The following SDR42E1 variants were observed in gnomAD, a reference collection of about 807,000 sequenced individuals.
SDR42E1 encodes short-chain dehydrogenase/reductase family 42E member 1.
In SDR42E1, 5 loss-of-function variants were observed where a neutral mutation model predicts 2.6. The ratio of observed to expected loss-of-function variants is 1.94; its 90% CI spans 1.01 to 4.08. The LOEUF (loss-of-function observed/expected upper bound fraction) is 4.08, where lower values mean the gene tolerates loss of function less well. SDR42E1 is among the 30% of genes most tolerant of loss of function. The pLI, the probability that SDR42E1 is intolerant of heterozygous loss-of-function variation, is 0.00. For missense variants in SDR42E1, 596 were observed against 478.6 expected (o/e 1.25, Z -2.29); for synonymous variants, 231 against 188.3 (o/e 1.23, Z -1.86).
intron 1 of SDR42E1, among the ~76,000 whole-genome samples, chr16:82,003,851 T>C (rs1279811582): frequency 1.3e-5 from 2 of 152,214 alleles, no homozygotes; most frequent in Non-Finnish European, 2.9e-5. Context: ...ATCCAGAACA[T>C]AGTAGATGCT....
rs1912455014 is a variant in SDR42E1, at chr16:81,992,717, G to A, written c.*6394C>T. 1.3e-5 allele frequency: 2 copies of A among 152,124 alleles called. No homozygotes were observed. The highest frequency in any genetic ancestry group is 2.9e-5 in the Non-Finnish European group (2 of 68,016). 9.4% of individuals were successfully genotyped at this position (152,124 alleles called of 1,614,324 possible). On this transcript the variant is annotated 3_prime_UTR_variant, in exon 3 of 3. Transcript: ENST00000328945. Reference sequence around the variant, plus strand: ...CTGATAAATCCCCTGTTGGTTGAAAGACACTTGCCTGGATCACTTTGCTAC... The same window carrying A: ...CTGATAAATCCCCTGTTGGTTGAAAAACACTTGCCTGGATCACTTTGCTAC...
intron 2 of SDR42E1, 72 bp downstream of exon 2, chr16:82,000,719 C>T (rs2143850796): frequency 9.1e-7 from 1 of 1,100,238 alleles, no homozygotes; most frequent in Non-Finnish European, 1.4e-6. Context: ...GTCTGCTCTG[C>T]TGTCAGAGTT....
chr16:82,010,539 T>C (rs1159493260), intron 1 of SDR42E1, among the ~76,000 whole-genome samples: 2 of 152,190 alleles, frequency 1.3e-5, no homozygotes, highest in African/African-American at 2.4e-5. Context: ...ATTCTATTCA[T>C]GTATCTCTGC....
chr16:82,003,060 CAG>C (rs762139614), intron 1 of SDR42E1, among the ~76,000 whole-genome samples: 71 of 152,102 alleles, frequency 4.7e-4, no homozygotes, highest in Non-Finnish European at 8.1e-4. Context: ...ATCACTTATG[CAG>C]AGTCAGTCAG....
Position 81,995,084 on chromosome 16 carries a change from T to C in SDR42E1, c.*4027A>G, listed in dbSNP as rs1912511129. 1 of 152,194 alleles carries C rather than the reference T, an allele frequency of 6.6e-6. No homozygotes were observed. Among genetic ancestry groups the C allele is most frequent in the African/African-American group, 2.4e-5 (1 of 41,426 alleles). The allele number at this position is 152,194 out of a possible 1,614,324, so 9.4% of individuals were successfully genotyped here. Reference sequence around the variant, plus strand: ...GCTTTCCAGACCGCTCTTCCCTTTTTGCAGGTGGGAGCAGTTTGGGCATTA... The same window carrying C: ...GCTTTCCAGACCGCTCTTCCCTTTTCGCAGGTGGGAGCAGTTTGGGCATTA... On this transcript the variant is annotated 3_prime_UTR_variant, in exon 3 of 3. Coordinates refer to ENST00000328945, the MANE Select transcript of SDR42E1 (RefSeq NM_145168.3).
intron 1 of SDR42E1, among the ~76,000 whole-genome samples, chr16:82,003,477 TCA>T (rs775766919): frequency 6.6e-6 from 1 of 152,226 alleles, no homozygotes; most frequent in Non-Finnish European, 1.5e-5. Context: ...CATGACCTGG[TCA>T]CAATTTCCCA....
At position 81,990,780 on chromosome 16, in the gene SDR42E1, C is replaced by T. The variant is rs1912408130; in HGVS notation, c.*8331G>A. ...TTGAGCACTGAAGGGCTATAATCAC[C>T]CACTACCAAATATTTCTTTTCCACT... On this transcript the variant is annotated 3_prime_UTR_variant, in exon 3 of 3. Coordinates refer to ENST00000328945, the MANE Select transcript of SDR42E1 (RefSeq NM_145168.3). The T allele has an allele frequency of 2.6e-5, 4 of 152,154 alleles. No individual in the cohort carries two copies. Among genetic ancestry groups the T allele is most frequent in the Non-Finnish European group, 1.5e-5 (1 of 68,034 alleles). The allele number at this position is 152,154 out of a possible 1,614,324, so 9.4% of individuals were successfully genotyped here.
intron 1 of SDR42E1, among the ~76,000 whole-genome samples, chr16:82,007,075 G>A (rs1330721915): frequency 6.6e-6 from 1 of 152,214 alleles, no homozygotes; most frequent in Non-Finnish European, 1.5e-5. Flanking sequence ...AAATAATTTT[G>A]TAACTGGTAT....
At position 81,999,738 on chromosome 16, in the gene SDR42E1, T is replaced by G. The variant is rs766155138; in HGVS notation, c.555A>C (p.Pro185=). ...GTTCTCCAGGCCCATAGATGCCAGCTGGCCTCAGAGCGCAGGTTCTTAAGA... is the reference window on the plus strand; with the variant it reads ...GTTCTCCAGGCCCATAGATGCCAGCGGGCCTCAGAGCGCAGGTTCTTAAGA... ...DGVLRTCALR[P]AGIYGPGEQR... is the part of the protein sequence containing the mutation. Residue 185 remains proline, a synonymous_variant, in exon 3 of 3, where the codon CCA becomes CCC. Coordinates refer to ENST00000328945, the MANE Select transcript of SDR42E1 (RefSeq NM_145168.3). 2 of 1,614,210 alleles carry G rather than the reference T, an allele frequency of 1.2e-6. No individual in the cohort carries two copies. Among genetic ancestry groups the G allele is most frequent in the Non-Finnish European group, 1.7e-6 (2 of 1,180,022 alleles).
intron 1 of SDR42E1, among the ~76,000 whole-genome samples, chr16:82,004,817 G>A (rs1026173276): frequency 5.3e-5 from 8 of 152,214 alleles, no homozygotes; most frequent in Non-Finnish European, 1.0e-4. Context: ...CTAGACTAGC[G>A]GGTTACCAGT....
Position 81,991,881 on chromosome 16 carries a change from G to C in SDR42E1, c.*7230C>G, listed in dbSNP as rs930570781. 3 of 152,070 alleles carry C rather than the reference G, an allele frequency of 2.0e-5. No individual in the cohort carries two copies. Among genetic ancestry groups the C allele is most frequent in the African/African-American group, 7.2e-5 (3 of 41,384 alleles). 9.4% of individuals were successfully genotyped at this position (152,070 alleles called of 1,614,324 possible). A position where few individuals can be genotyped will look rare whatever the true frequency, so the allele number is the denominator to read the frequency against. ...ATAATAAATTGATCTGTTTCTTAAAGACATTAAGAAAGCTAAATAAGCCTA... is the reference window on the plus strand; with the variant it reads ...ATAATAAATTGATCTGTTTCTTAAACACATTAAGAAAGCTAAATAAGCCTA... On this transcript the variant is annotated 3_prime_UTR_variant, in exon 3 of 3. Coordinates refer to ENST00000328945, the MANE Select transcript of SDR42E1 (RefSeq NM_145168.3).
At chr16:82,008,563 G>T (rs967675289) in intron 1 of SDR42E1, among the ~76,000 whole-genome samples, 1 of 152,216 alleles carries the variant, frequency 6.6e-6, no homozygotes, top group Non-Finnish European at 1.5e-5. Context: ...TTTTAGCAAA[G>T]AGACTGATGG....
In SDR42E1 at chr16:82,000,831, T is replaced by A; in HGVS notation, c.28A>T (p.Ser10Cys). The A allele has an allele frequency of 6.2e-7, 1 of 1,613,910 alleles. No homozygotes were observed. Among genetic ancestry groups the A allele is most frequent in the Non-Finnish European group, 8.5e-7 (1 of 1,179,922 alleles). The stretch of plus-strand genomic sequence containing the variant: ...CCACTTCCTCCTGTAATGAGGACAC[T>A]TTCCTTTTGAGATCTTTTGGGGTCC... MDPKRSQKE[S>C]VLITGGSGYF... Residue 10 changes from serine (S) to cysteine (C), a missense_variant, in exon 2 of 3, where the codon AGT becomes TGT. Ser to Cys is a moderately radical substitution (Grantham distance 112). Coordinates refer to ENST00000328945, the MANE Select transcript of SDR42E1 (RefSeq NM_145168.3).
rs1343632700 is a variant in SDR42E1 at position 81,989,470 on chromosome 16, T to G, written c.*9641A>C. On this transcript the variant is annotated 3_prime_UTR_variant, in exon 3 of 3. Transcript: ENST00000328945. Reference sequence around the variant, plus strand: ...TATGCATTATTTGTATAGTTACTTTTAAATCTAAGTTACACAGAAGCACTC... The same window carrying G: ...TATGCATTATTTGTATAGTTACTTTGAAATCTAAGTTACACAGAAGCACTC... 1 of 152,224 alleles carries G rather than the reference T, an allele frequency of 6.6e-6. No individual in the cohort carries two copies. Among genetic ancestry groups the G allele is most frequent in the Non-Finnish European group, 1.5e-5 (1 of 68,030 alleles). The allele number at this position is 152,224 out of a possible 1,614,324, so 9.4% of individuals were successfully genotyped here.
chr16:82,000,944 T>G (rs1361584998), intron 1 of SDR42E1, 60 bp from the exon 2 acceptor site: 1 of 1,235,144 alleles, frequency 8.1e-7, no homozygotes, highest in Non-Finnish European at 1.2e-6. Context: ...TTCTCCCTAA[T>G]TTTGACCTAA....
rs1356373582 is a variant in SDR42E1 at position 82,000,067 on chromosome 16, C to A, written c.226G>T (p.Val76Leu). Residue 76 changes from valine to leucine, a missense_variant, in exon 3 of 3, where the codon GTG becomes TTG. Val to Leu is a conservative substitution (Grantham distance 32, BLOSUM62 1). Coordinates refer to ENST00000328945, the MANE Select transcript of SDR42E1 (RefSeq NM_145168.3). Reference protein sequence around the residue: ...KAFQDADVTCVFHIASYGMSG... With the variant: ...KAFQDADVTCLFHIASYGMSG... ...ATACCATAAGAGGCAATATGGAACA[C>A]ACAAGTGACGTCTGCATCCTGGAAG... 2 of 1,614,108 alleles carry A rather than the reference C, an allele frequency of 1.2e-6. No homozygotes were observed. Among genetic ancestry groups the A allele is most frequent in the Non-Finnish European group, 1.7e-6 (2 of 1,180,052 alleles).
In SDR42E1 at chr16:81,993,871, G is replaced by A. The variant is rs977871027; in HGVS notation, c.*5240C>T. The stretch of plus-strand genomic sequence containing the variant: ...CCAAATATACATGATTTGAATAAAC[G>A]TAATTCAAATAAACATGATTCTAGA... On this transcript the variant is annotated 3_prime_UTR_variant, in exon 3 of 3. Transcript: ENST00000328945. 5.3e-5 allele frequency: 8 copies of A among 152,078 alleles called. No homozygotes were observed. Among genetic ancestry groups the A allele is most frequent in the African/African-American group, 1.4e-4 (6 of 41,390 alleles). The allele number at this position is 152,078 out of a possible 1,614,324, so 9.4% of individuals were successfully genotyped here. A position where few individuals can be genotyped will look rare whatever the true frequency, so the allele number is the denominator to read the frequency against.
At chr16:82,003,073 T>A (rs1214575841) in intron 1 of SDR42E1, among the ~76,000 whole-genome samples, 3 of 152,140 alleles carry the variant, frequency 2.0e-5, no homozygotes, top group African/African-American at 7.2e-5. Context: ...AGTCAGTCAG[T>A]GTGACAAGTG....
intron 1 of SDR42E1, among the ~76,000 whole-genome samples, chr16:82,010,954 C>G (rs1305434348): frequency 6.6e-6 from 1 of 152,236 alleles, no homozygotes; most frequent in Non-Finnish European, 1.5e-5. Context: ...TTTAAACCTA[C>G]TTACCTTTTC....
Sources: gnomAD v4.1 joint callset for allele counts (sites outside exome capture counted in the v4.1 genomes callset) on GRCh38, gnomAD v4.1.1 for gene constraint, MANE v1.5 for transcripts, NCBI Gene and HGNC (gene_info 2026-07-23, HGNC 2026-07-21) for gene names.